The following LRRTM4 variants were observed in gnomAD, a reference collection of about 807,000 sequenced individuals.
LRRTM4 encodes the protein leucine-rich repeat transmembrane neuronal protein 4.
Under a neutral mutation model 47.6 loss-of-function variants are expected in LRRTM4, and 25 were observed. That is an observed-to-expected ratio of 0.53 (90% CI 0.38 to 0.73). The LOEUF is 0.73. Ranked by LOEUF, LRRTM4 falls within the 30% of genes least tolerant of loss-of-function variation. LRRTM4 has a pLI of 0.00. For missense variants in LRRTM4, 638 were observed against 713.4 expected, an observed-to-expected ratio of 0.89 and a Z score of 1.20; for synonymous variants, 311 against 269.5, an observed-to-expected ratio of 1.15 and a Z score of -1.51.
intron 3 of LRRTM4, among the ~76,000 whole-genome samples, chr2:76,902,614 G>C (rs952819020): frequency 3.3e-5 from 5 of 152,256 alleles, no homozygotes; most frequent in African/African-American, 1.2e-4. Context: ...AGGCTGTAAT[G>C]GGGTGGACCC....
chr2:77,012,534 C>T (rs536354230), intron 3 of LRRTM4, among the ~76,000 whole-genome samples: 1 of 152,270 alleles, frequency 6.6e-6, no homozygotes, highest in Admixed American at 6.5e-5. Flanking sequence ...ACCTGCAGAG[C>T]CTGGGCAGGA....
chr2:76,778,375 GA>G (rs1446893559), intron 3 of LRRTM4, among the ~76,000 whole-genome samples: 77 of 142,278 alleles, frequency 5.4e-4, no homozygotes, highest in Admixed American at 1.7e-3. Flanking sequence ...ATTCGGCTGT[GA>G]ATCCATCTGG....
intron 3 of LRRTM4, among the ~76,000 whole-genome samples, chr2:77,500,503 TTATCA>T (rs921164307): frequency 3.6e-5 from 5 of 139,738 alleles, no homozygotes; most frequent in South Asian, 2.1e-4. Context: ...AAAAGAAAAC[TTATCA>T]TATTCATATT....
chr2:76,830,515 C>CGTGTGTGTGTGTGT (rs57566911), intron 3 of LRRTM4, among the ~76,000 whole-genome samples: 11 of 144,088 alleles, frequency 7.6e-5, no homozygotes, highest in South Asian at 6.6e-4. Flanking sequence ...GCAGTGTGTG[C>CGTGTGTGTGTGTGT]GTGTGTGTGT....
intron 3 of LRRTM4, among the ~76,000 whole-genome samples, chr2:77,223,801 T>A (rs1465641266): frequency 6.6e-6 from 1 of 152,192 alleles, no homozygotes; most frequent in Admixed American, 6.5e-5. Context: ...AATTGATAGA[T>A]TCAATGCCAT....
At chr2:77,186,311 T>C (rs1673504266) in intron 3 of LRRTM4, among the ~76,000 whole-genome samples, 1 of 152,158 alleles carries the variant, frequency 6.6e-6, no homozygotes, top group Non-Finnish European at 1.5e-5. Flanking sequence ...AGGAGTGACT[T>C]CCTCTCTCAT....
chr2:76,921,174 A>G (rs1033756165), intron 3 of LRRTM4, among the ~76,000 whole-genome samples: 1 of 152,102 alleles, frequency 6.6e-6, no homozygotes, highest in African/African-American at 2.4e-5. Flanking sequence ...CTTCTTGGCT[A>G]TGACAGTTTC....
rs1491228049 is a variant in LRRTM4, at chr2:77,052,149, CCT to C, written c.1552-303235_1552-303234del. ...TGCAAAAAAAAATACCGTTACATTT[CCT>C]TTTTTTTTTTTTTTTTTTTTTTGAG... On this transcript the variant is annotated intron_variant, in intron 3 of 3. Coordinates refer to ENST00000409884, the MANE Select transcript of LRRTM4 (RefSeq NM_001134745.3). Among the ~76,000 whole-genome samples the C allele has an allele frequency of 7.0e-5, 6 of 85,546 alleles. No homozygotes were observed. In the East Asian group the frequency reaches 1.1e-3, roughly 16 times the overall value. The allele number at this position is 85,546 out of a possible 152,430, so 56.1% of individuals were successfully genotyped here. A position where few individuals can be genotyped will look rare whatever the true frequency, so the allele number is the denominator to read the frequency against.
At chr2:77,480,172 A>G (rs1244807288) in intron 3 of LRRTM4, among the ~76,000 whole-genome samples, 2 of 152,068 alleles carry the variant, frequency 1.3e-5, no homozygotes, top group Non-Finnish European at 2.9e-5. Flanking sequence ...TCTAATTATC[A>G]ACCTCAGCAA....
intron 3 of LRRTM4, among the ~76,000 whole-genome samples, chr2:77,005,329 G>C (rs182817376): frequency 6.6e-6 from 1 of 152,122 alleles, no homozygotes; most frequent in East Asian, 1.9e-4. Context: ...AATTTTAGTA[G>C]AGACAGGGTT....
chr2:76,904,329 C>G (rs1673747050), intron 3 of LRRTM4, among the ~76,000 whole-genome samples: 1 of 152,142 alleles, frequency 6.6e-6, no homozygotes, highest in Non-Finnish European at 1.5e-5. Context: ...CTGACCACAC[C>G]AGATTTGATT....
intron 3 of LRRTM4, among the ~76,000 whole-genome samples, chr2:76,925,648 C>T (rs1282321527): frequency 6.6e-6 from 1 of 152,064 alleles, no homozygotes; most frequent in Non-Finnish European, 1.5e-5. Flanking sequence ...ACCATTCACT[C>T]TGTGTAAAAG....
At chr2:77,283,168 T>C (rs1238557642) in intron 3 of LRRTM4, among the ~76,000 whole-genome samples, 1 of 151,528 alleles carries the variant, frequency 6.6e-6, no homozygotes, top group Non-Finnish European at 1.5e-5. Context: ...ATGGACAAAA[T>C]ACATGAACAG....
chr2:77,241,579 A>G (rs116796130), intron 3 of LRRTM4, among the ~76,000 whole-genome samples: 4,586 of 152,088 alleles, frequency 0.03, 258 homozygotes, highest in African/African-American at 0.1. Flanking sequence ...AGCAAAAGAA[A>G]ATAACCTATT....
At chr2:77,216,275 A>G (rs1032618094) in intron 3 of LRRTM4, among the ~76,000 whole-genome samples, 3 of 152,238 alleles carry the variant, frequency 2.0e-5, no homozygotes, top group Non-Finnish European at 4.4e-5. Flanking sequence ...CAAATATCTT[A>G]AAATAAATGA....
intron 3 of LRRTM4, among the ~76,000 whole-genome samples, chr2:77,094,850 A>C (rs914604280): frequency 1.3e-5 from 2 of 152,168 alleles, no homozygotes; most frequent in Admixed American, 6.6e-5. Context: ...ACAGGGGAAA[A>C]GCTCCATGAC....
chr2:76,785,541 A>T (rs75038078), intron 3 of LRRTM4, among the ~76,000 whole-genome samples: 1,902 of 152,208 alleles, frequency 0.012, 45 homozygotes, highest in African/African-American at 0.044. Flanking sequence ...CTTCAATTTA[A>T]CTTGGAAGGT....
rs187918103 is a variant in LRRTM4 at position 77,089,982 on chromosome 2, T to C, written c.1552-341066A>G. On this transcript the variant is annotated intron_variant, in intron 3 of 3. Transcript: ENST00000409884. ...TCCCTCCCATCTGTCCCCTCAGTAC[T>C]AACCCCAAGCATCGCTGAGTCTTTG... Among the ~76,000 whole-genome samples, 867 of 152,150 alleles carry C rather than the reference T, an allele frequency of 5.7e-3. 3 individuals carry two copies. The highest frequency in any genetic ancestry group is 6.9e-3 in the Non-Finnish European group (468 of 68,008).
At chr2:76,911,942 G>C (rs891735713) in intron 3 of LRRTM4, among the ~76,000 whole-genome samples, 7 of 141,110 alleles carry the variant, frequency 5.0e-5, no homozygotes, top group East Asian at 4.0e-4. Context: ...TTTTGGGGGG[G>C]GGGGGGGGAC....
Sources: gnomAD v4.1 joint callset for allele counts (sites outside exome capture counted in the v4.1 genomes callset) on GRCh38, gnomAD v4.1.1 for gene constraint, MANE v1.5 for transcripts, NCBI Gene and HGNC (gene_info 2026-07-23, HGNC 2026-07-21) for gene names.